The following RANBP2 variants were observed in gnomAD, a reference collection of about 807,000 sequenced individuals.
RANBP2 encodes RAN binding protein 2.
In RANBP2, 57 loss-of-function variants were observed where a neutral mutation model predicts 303.6. That is an observed-to-expected ratio of 0.19 (90% confidence interval 0.15 to 0.23). The LOEUF is 0.23. Ranked by LOEUF, RANBP2 falls within the 10% of genes least tolerant of loss-of-function variation. The pLI is 1.00. For missense variants in RANBP2, 3,138 were observed against 3,780.8 expected (o/e 0.83, Z 4.46); for synonymous variants, 1,167 against 1,301.5 (o/e 0.90, Z 2.23).
At chr2:109,058,242 A>G in the RANBP2 span, among the ~76,000 whole-genome samples, 13 of 152,182 alleles carry the variant, frequency 8.5e-5, no homozygotes, top group African/African-American at 2.9e-4. Flanking sequence ...AATGACCCCA[A>G]TTATCCTCAG....
the RANBP2 span, among the ~76,000 whole-genome samples, chr2:109,448,842 G>T: frequency 6.6e-6 from 1 of 152,152 alleles, no homozygotes; most frequent in Non-Finnish European, 1.5e-5. Flanking sequence ...GTTGGGGACC[G>T]CTGAGTTAAA....
the RANBP2 span, among the ~76,000 whole-genome samples, chr2:109,669,260 G>T: frequency 1.3e-5 from 2 of 152,150 alleles, no homozygotes; most frequent in East Asian, 1.9e-4. Flanking sequence ...CCAAGACACT[G>T]GTCTAGGCAA....
At chr2:109,429,897 T>A in the RANBP2 span, among the ~76,000 whole-genome samples, 1 of 152,120 alleles carries the variant, frequency 6.6e-6, no homozygotes, top group Admixed American at 6.5e-5. Context: ...TGCAGTAGCC[T>A]GGAGGGAGAA....
the RANBP2 span, among the ~76,000 whole-genome samples, chr2:109,435,180 G>C: frequency 6.6e-6 from 1 of 152,204 alleles, no homozygotes; most frequent in Non-Finnish European, 1.5e-5. Context: ...CTGCGCCCGG[G>C]TCGGCTGCCC....
At chr2:108,770,328 C>T (rs572158120) in intron 20 of RANBP2, among the ~76,000 whole-genome samples, 1 of 152,288 alleles carries the variant, frequency 6.6e-6, no homozygotes, top group African/African-American at 2.4e-5. Flanking sequence ...ACTGTTATTT[C>T]TCCTAGCTAG....
the RANBP2 span, among the ~76,000 whole-genome samples, chr2:109,259,345 G>A: frequency 6.6e-6 from 1 of 152,316 alleles, no homozygotes; most frequent in Admixed American, 6.5e-5. Context: ...AGCCCTCTGA[G>A]ACCACCATCC....
chr2:109,523,806 A>AGGGTGT, the RANBP2 span, among the ~76,000 whole-genome samples: 1 of 152,092 alleles, frequency 6.6e-6, no homozygotes, highest in East Asian at 1.9e-4. Flanking sequence ...TGAGGCTAAT[A>AGGGTGT]CCTCAGAGAC....
the RANBP2 span, among the ~76,000 whole-genome samples, chr2:109,210,487 C>T: frequency 6.6e-6 from 1 of 152,164 alleles, no homozygotes. Context: ...GAGCTGCATC[C>T]CAGGGAGACA....
chr2:109,763,468 C>T, the RANBP2 span, among the ~76,000 whole-genome samples: 1 of 150,144 alleles, frequency 6.7e-6, no homozygotes, highest in Non-Finnish European at 1.5e-5. Context: ...TTGCCATTTT[C>T]TAGAGTACTT....
At chr2:108,896,735 G>C in the RANBP2 span, 1 of 645,938 alleles carries the variant, frequency 1.5e-6, no homozygotes, top group South Asian at 2.0e-5. Context: ...CTTTATCTTT[G>C]GTTAAATTGG....
At chr2:108,745,117 CT>C (rs4012073) in intron 7 of RANBP2, among the ~76,000 whole-genome samples, 53,439 of 142,112 alleles carry the variant, frequency 0.38, 12,856 homozygotes, top group African/African-American at 0.7. Context: ...CTGGCTTTTA[CT>C]TTTTTTTTTT....
the RANBP2 span, among the ~76,000 whole-genome samples, chr2:109,432,130 A>G: frequency 3.9e-4 from 59 of 152,304 alleles, no homozygotes; most frequent in Middle Eastern, 3.4e-3. Flanking sequence ...GAAGAGGAAA[A>G]CACTGGAAAT....
At chr2:109,427,619 G>T in the RANBP2 span, among the ~76,000 whole-genome samples, 1 of 152,214 alleles carries the variant, frequency 6.6e-6, no homozygotes, top group African/African-American at 2.4e-5. Context: ...CCACACACAA[G>T]TGTCAAAGGT....
the RANBP2 span, among the ~76,000 whole-genome samples, chr2:109,106,092 A>T: frequency 3.3e-5 from 5 of 150,072 alleles, no homozygotes; most frequent in Non-Finnish European, 7.4e-5. Context: ...AGATCTCCTG[A>T]CCTCGTGGTC....
At chr2:109,455,784 TC>T in the RANBP2 span, among the ~76,000 whole-genome samples, 1 of 152,180 alleles carries the variant, frequency 6.6e-6, no homozygotes, top group Non-Finnish European at 1.5e-5. Flanking sequence ...CCAGCGCTCA[TC>T]CCAGCTTCTC....
the RANBP2 span, among the ~76,000 whole-genome samples, chr2:108,970,048 G>A: frequency 1.3e-5 from 2 of 152,318 alleles, no homozygotes; most frequent in Admixed American, 6.5e-5. Flanking sequence ...TCTGGATGAC[G>A]TGATGAGTCT....
the RANBP2 span, among the ~76,000 whole-genome samples, chr2:109,412,963 C>T: frequency 5.2e-4 from 79 of 152,208 alleles, 1 homozygote; most frequent in African/African-American, 1.9e-3. Context: ...ATGGAGACCA[C>T]GGCACAGGCG....
At chr2:109,363,401 T>A in the RANBP2 span, among the ~76,000 whole-genome samples, 1 of 152,194 alleles carries the variant, frequency 6.6e-6, no homozygotes, top group South Asian at 2.1e-4. Context: ...GTGATTCATT[T>A]CTCTTGTACA....
At chr2:108,812,967 C>T in the RANBP2 span, 35 of 1,573,006 alleles carry the variant, frequency 2.2e-5, no homozygotes, top group South Asian at 9.0e-5. Flanking sequence ...GAAAATTTCT[C>T]GGCTGGGTAC....
Sources: gnomAD v4.1 joint callset for allele counts (sites outside exome capture counted in the v4.1 genomes callset) on GRCh38, gnomAD v4.1.1 for gene constraint, MANE v1.5 for transcripts, NCBI Gene and HGNC (gene_info 2026-07-23, HGNC 2026-07-21) for gene names.